The following MYO9A variants were observed in gnomAD, a reference collection of about 807,000 sequenced individuals.
MYO9A encodes unconventional myosin-IXa.
In MYO9A, 103 loss-of-function variants were observed where a neutral mutation model predicts 293.3. The observed-to-expected ratio is 0.35, with a 90% CI of 0.30 to 0.41. MYO9A has a LOEUF of 0.41. Ranked by LOEUF, MYO9A falls within the 10% of genes least tolerant of loss-of-function variation. The pLI, the probability that MYO9A is intolerant of heterozygous loss-of-function variation, is 1.00. For synonymous variants in MYO9A, 1,001 were observed against 1,035.7 expected (o/e 0.97, Z 0.64); for missense variants, 2,685 against 3,033.0 (o/e 0.89, Z 2.69).
chr15:71,892,150 T>C (rs2057195963), intron 26 of MYO9A: 4 of 152,206 alleles, frequency 2.6e-5, no homozygotes, highest in African/African-American at 9.6e-5. Context: ...CTATAATACT[T>C]GTCAAACCAC....
At chr15:72,026,719 A>G (rs1273845534) in intron 4 of MYO9A, among the ~76,000 whole-genome samples, 2 of 152,170 alleles carry the variant, frequency 1.3e-5, no homozygotes, top group East Asian at 1.9e-4. Flanking sequence ...ACAGACAGAG[A>G]AAGAAGCAGA....
At chr15:71,946,709 G>C (rs1424130269) in intron 15 of MYO9A, among the ~76,000 whole-genome samples, 2 of 152,234 alleles carry the variant, frequency 1.3e-5, no homozygotes. Flanking sequence ...AGCCACATGT[G>C]GCTAGTGGCT....
intron 18 of MYO9A, among the ~76,000 whole-genome samples, chr15:71,930,457 C>A (rs1482311296): frequency 2.0e-5 from 3 of 151,982 alleles, no homozygotes; most frequent in African/African-American, 7.3e-5. Context: ...TATATGTTGA[C>A]CTTCTTTATC....
At chr15:71,856,329 A>G (rs774070594) in intron 34 of MYO9A, among the ~76,000 whole-genome samples, 6 of 152,044 alleles carry the variant, frequency 3.9e-5, no homozygotes, top group South Asian at 2.1e-4. Flanking sequence ...AAAAAAAGAA[A>G]AAGACTAGTA....
intron 8 of MYO9A, among the ~76,000 whole-genome samples, chr15:72,007,046 G>C (rs571502730): frequency 6.6e-6 from 1 of 152,198 alleles, no homozygotes. Flanking sequence ...AATGATCCAC[G>C]TGGGGAATGG....
intron 15 of MYO9A, among the ~76,000 whole-genome samples, chr15:71,942,196 T>C (rs547821178): frequency 2.6e-4 from 39 of 152,036 alleles, no homozygotes; most frequent in African/African-American, 8.4e-4. Flanking sequence ...CATAACACAA[T>C]CAGAACACAA....
At chr15:71,917,327 G>A (rs1395626886) in intron 18 of MYO9A, among the ~76,000 whole-genome samples, 2 of 152,106 alleles carry the variant, frequency 1.3e-5, no homozygotes. Context: ...ACGAGGTCAG[G>A]AGTTTGACAT....
chr15:71,904,118 T>G (rs2057561367), intron 20 of MYO9A, 79 bp from the exon 21 acceptor site: 3 of 1,122,612 alleles, frequency 2.7e-6, no homozygotes, highest in Non-Finnish European at 3.9e-6. Flanking sequence ...TGACTAACTG[T>G]TGAGTATCTA....
intron 34 of MYO9A, among the ~76,000 whole-genome samples, chr15:71,858,367 T>A (rs948202563): frequency 1.3e-5 from 2 of 152,008 alleles, no homozygotes; most frequent in South Asian, 2.1e-4. Context: ...CAAATGTCCA[T>A]CAATGATAGA....
At chr15:71,853,091 C>CTGAATGAATGAATGAATTAA (rs1555462594) in intron 35 of MYO9A, among the ~76,000 whole-genome samples, 14 of 151,488 alleles carry the variant, frequency 9.2e-5, no homozygotes, top group Middle Eastern at 3.4e-3. Flanking sequence ...AAGACTGTCT[C>CTGAATGAATGAATGAATTAA]TGAATGAATG....
intron 1 of MYO9A, among the ~76,000 whole-genome samples, chr15:72,072,096 A>G (rs1437522793): frequency 2.7e-5 from 4 of 149,854 alleles, no homozygotes; most frequent in Non-Finnish European, 5.9e-5. Context: ...AAAAGTATAT[A>G]TAATATACAT....
At position 72,056,935 on chromosome 15, in the gene MYO9A, C is replaced by T. The variant is rs572106976; in HGVS notation, c.-71-10301G>A. Among the ~76,000 whole-genome samples, 4 of 152,260 alleles carry T rather than the reference C, an allele frequency of 2.6e-5. No homozygotes were observed. The East Asian group carries it at 5.8e-4, about 22-fold the overall frequency. ...GACCAGCCTAGCCAACATGGTGAAA[C>T]GCTGTCTTTACTAAAAGTACAAAAA... On this transcript the variant is annotated intron_variant, in intron 1 of 41. Coordinates refer to ENST00000356056, the MANE Select transcript of MYO9A (RefSeq NM_006901.4).
At chr15:72,076,932 G>C (rs964599663) in intron 1 of MYO9A, among the ~76,000 whole-genome samples, 5 of 151,628 alleles carry the variant, frequency 3.3e-5, no homozygotes, top group African/African-American at 1.2e-4. Context: ...CACAAATATA[G>C]TCACCTGATC....
intron 27 of MYO9A, among the ~76,000 whole-genome samples, chr15:71,884,691 T>A (rs2056969026): frequency 1.3e-5 from 2 of 152,130 alleles, no homozygotes. Context: ...CCATATATTA[T>A]GTATTCTAAC....
At chr15:72,111,591 ATTT>A (rs951786967) in intron 1 of MYO9A, among the ~76,000 whole-genome samples, 6 of 151,866 alleles carry the variant, frequency 4.0e-5, no homozygotes, top group Non-Finnish European at 7.4e-5. Flanking sequence ...TTACATAAAA[ATTT>A]TTTTAACTCC....
intron 22 of MYO9A, 44 bp downstream of exon 22, chr15:71,902,897 T>C (rs2057524280): frequency 7.2e-7 from 1 of 1,398,602 alleles, no homozygotes; most frequent in Admixed American, 2.6e-5. Flanking sequence ...ATTTTTTAAA[T>C]AAATGCACTC....
At chr15:72,057,494 C>A (rs891254138) in intron 1 of MYO9A, among the ~76,000 whole-genome samples, 4 of 152,118 alleles carry the variant, frequency 2.6e-5, no homozygotes, top group Admixed American at 2.6e-4. Context: ...TCTTTGTCAT[C>A]GAACATAGTT....
chr15:71,895,320 T>C (rs1435225971), intron 25 of MYO9A, among the ~76,000 whole-genome samples: 2 of 152,208 alleles, frequency 1.3e-5, no homozygotes, highest in African/African-American at 2.4e-5. Context: ...ACCTTTTAAC[T>C]CACAACATTT....
In MYO9A at chr15:71,935,324, T is replaced by C. The variant is rs2058609114; in HGVS notation, c.2522+17A>G. 6.4e-7 allele frequency: 1 copy of C among 1,563,208 alleles called. No individual in the cohort carries two copies. Among genetic ancestry groups the C allele is most frequent in the African/African-American group, 1.4e-5 (1 of 73,314 alleles). On this transcript the variant is annotated intron_variant, in intron 17 of 41. Coordinates refer to ENST00000356056, the MANE Select transcript of MYO9A (RefSeq NM_006901.4). Reference sequence around the variant, plus strand: ...ACAAAAAACAAAAAACAATTTACATTACTGATTAGTACTGACGTGAGAATT... The same window carrying C: ...ACAAAAAACAAAAAACAATTTACATCACTGATTAGTACTGACGTGAGAATT...
Sources: allele counts gnomAD v4.1 joint callset (sites outside exome capture counted in the v4.1 genomes callset), GRCh38; gene constraint gnomAD v4.1.1; transcripts MANE v1.5; gene names NCBI Gene and HGNC (gene_info 2026-07-23, HGNC 2026-07-21).